The following AKT1S1 variants were observed in gnomAD, a reference collection of about 807,000 sequenced individuals.
AKT1S1 encodes the protein proline-rich AKT1 substrate 1.
Under a neutral mutation model 21.2 loss-of-function variants are expected in AKT1S1, and 17 were observed. That is an observed-to-expected ratio of 0.80 (90% CI 0.55 to 1.20). The LOEUF (loss-of-function observed/expected upper bound fraction) is 1.20, where lower values mean the gene tolerates loss of function less well. Among genes scored for constraint, AKT1S1 ranks in the 50% most tolerant of loss-of-function variants. The probability of loss-of-function intolerance (pLI) is 0.00; values close to 1 mark genes in which losing one functional copy is unlikely to be tolerated. For synonymous variants in AKT1S1, 181 were observed against 165.6 expected (o/e 1.09, Z -0.72); for missense variants, 366 against 368.3 (o/e 0.99, Z 0.05).
upstream of AKT1S1, chr19:49,878,250 G>T: frequency 6.4e-7 from 1 of 1,554,716 alleles, no homozygotes; most frequent in Non-Finnish European, 8.7e-7. Context: ...AGGTGCGCTG[G>T]GAGGGAGCAG....
intron 4 of AKT1S1, among the ~76,000 whole-genome samples, chr19:49,871,333 G>C (rs1348750785): frequency 6.6e-6 from 1 of 152,230 alleles, no homozygotes; most frequent in East Asian, 1.9e-4. Context: ...CTCCTGGAAA[G>C]GAGAGGCCTT....
At chr19:49,871,404 C>A (rs766743100) in intron 4 of AKT1S1, 143 bp downstream of exon 4, 27 of 1,145,298 alleles carry the variant, frequency 2.4e-5, no homozygotes, top group Non-Finnish European at 3.3e-5. Flanking sequence ...AGGCTCGTGT[C>A]CAAGAACTCG....
In AKT1S1 at chr19:49,873,089, G is replaced by A. The variant is rs1487445313; in HGVS notation, c.207C>T (p.His69=). Residue 69 remains histidine (H), a synonymous_variant, in exon 2 of 5, where the codon CAC becomes CAT. Coordinates refer to ENST00000344175, the MANE Select transcript of AKT1S1 (RefSeq NM_001098633.4). The surrounding 1 kb of genome is among the most constrained non-coding windows in gnomAD (Gnocchi z 6.9). ...GAGGCCGAGCAGCAGTGGCAGCCCT[G>A]TGGGCCAGTGCGATGTCGTGGAGGC... The part of the protein sequence containing the change: ...RRCLHDIALA[H]RAATAARPPA... The A allele has an allele frequency of 1.3e-6, 2 of 1,550,188 alleles. No homozygotes were observed. Among genetic ancestry groups the A allele is most frequent in the Admixed American group, 1.9e-5 (1 of 51,602 alleles).
chr19:49,875,776 G>C (rs1041527808), intron 1 of AKT1S1: 1 of 905,448 alleles, frequency 1.1e-6, no homozygotes, highest in Admixed American at 6.2e-5. Flanking sequence ...TGAGCAAAAA[G>C]GACAGGGCGA....
intron 4 of AKT1S1, 39 bp from the exon 5 acceptor site, chr19:49,870,099 G>A: frequency 2.7e-6 from 4 of 1,476,862 alleles, no homozygotes; most frequent in Non-Finnish European, 3.6e-6. Flanking sequence ...GCGCCGGCAG[G>A]GCAATCCCCC....
upstream of AKT1S1, chr19:49,877,706 G>A: frequency 6.2e-7 from 1 of 1,600,476 alleles, no homozygotes; most frequent in Non-Finnish European, 8.5e-7. Flanking sequence ...CGGGGCAGTG[G>A]GGCCTTCGGC....
Position 49,871,844 on chromosome 19 carries a change from G to A in AKT1S1, c.425C>T (p.Pro142Leu). ...ACTCTCGGGGTCTGACTCACAGAAGGGGGGAAGGTCCTGGAGGGTGGCGTC... is the reference window on the plus strand; with the variant it reads ...ACTCTCGGGGTCTGACTCACAGAAGAGGGGAAGGTCCTGGAGGGTGGCGTC... ...DEDATLQDLPPFCESDPESTD... is the reference protein window; with the variant it reads ...DEDATLQDLPLFCESDPESTD... Residue 142 changes from proline to leucine, a missense_variant, in exon 3 of 5, where the codon CCC becomes CTC. Transcript: ENST00000344175. 5 of 1,611,630 alleles carry A rather than the reference G, an allele frequency of 3.1e-6. No homozygotes were observed. The highest frequency in any genetic ancestry group is 4.2e-6 in the Non-Finnish European group (5 of 1,179,320).
chr19:49,872,041 T>G, intron 2 of AKT1S1, 152 bp from the exon 3 acceptor site: 1 of 854,648 alleles, frequency 1.2e-6, no homozygotes, highest in Non-Finnish European at 1.8e-6. Context: ...AACAACTTCC[T>G]CTAGCAGCCT....
Position 49,869,938 on chromosome 19 carries a change from C to T in AKT1S1, c.750G>A (p.Gln250=). The part of the protein sequence containing the change: ...PRPRLNTSDF[Q]KLKRKY ...GACTTCAATATTTCCGCTTCAGCTT[C>T]TGGAAGTCGCTGGTGTTAAGCCGCG... Residue 250 remains glutamine (Q), a synonymous_variant, in exon 5 of 5, where the codon CAG becomes CAA. Coordinates refer to ENST00000344175, the MANE Select transcript of AKT1S1 (RefSeq NM_001098633.4). 1.3e-6 allele frequency: 2 copies of T among 1,526,872 alleles called. No individual in the cohort carries two copies. Among genetic ancestry groups the T allele is most frequent in the South Asian group, 1.2e-5 (1 of 82,596 alleles). 94.6% of individuals were successfully genotyped at this position (1,526,872 alleles called of 1,614,324 possible). A position where few individuals can be genotyped will look rare whatever the true frequency, so the allele number is the denominator to read the frequency against.
upstream of AKT1S1, chr19:49,878,163 A>T (rs759378385): frequency 1.9e-6 from 3 of 1,578,102 alleles, no homozygotes; most frequent in African/African-American, 4.1e-5. Flanking sequence ...AGAAGGGCGG[A>T]GTGTACCTGC....
In AKT1S1 at chr19:49,869,637, G is replaced by A. The variant is rs917907070; in HGVS notation, c.*280C>T. 3 of 366,000 alleles carry A rather than the reference G, an allele frequency of 8.2e-6. No homozygotes were observed. Among genetic ancestry groups the A allele is most frequent in the African/African-American group, 2.1e-5 (1 of 47,446 alleles). 22.7% of individuals were successfully genotyped at this position (366,000 alleles called of 1,614,324 possible). A position where few individuals can be genotyped will look rare whatever the true frequency, so the allele number is the denominator to read the frequency against. ...AAACAAAGGAGTTGACCCATTTAGA[G>A]CTTAGAACTCAGCGAGCCAATCCCT... On this transcript the variant is annotated 3_prime_UTR_variant, in exon 5 of 5. Transcript: ENST00000344175.
chr19:49,872,391 C>T (rs1399774140), intron 2 of AKT1S1, among the ~76,000 whole-genome samples: 1 of 152,208 alleles, frequency 6.6e-6, no homozygotes, highest in Non-Finnish European at 1.5e-5. Flanking sequence ...CTCCTAGTGA[C>T]TGATCAAACT....
chr19:49,876,143 G>C (rs1018865611), intron 1 of AKT1S1: 3 of 994,908 alleles, frequency 3.0e-6, no homozygotes, highest in Middle Eastern at 5.0e-4. Flanking sequence ...GCATGAACGC[G>C]GTAGCCATGG....
rs1310477818 is a variant in AKT1S1 at position 49,871,881 on chromosome 19, C to T, written c.388G>A (p.Val130Met). 8.1e-6 allele frequency: 13 copies of T among 1,613,288 alleles called. No individual in the cohort carries two copies. The African/African-American group carries it at 1.1e-4, about 13-fold the overall frequency. ...LGISDNGGLF[V>M]MDEDATLQDL... Reference sequence around the variant, plus strand: ...TGGAGGGTGGCGTCCTCATCCATCACAAAGAGCCCTGTGGATGACCTGAGT... The same window carrying T: ...TGGAGGGTGGCGTCCTCATCCATCATAAAGAGCCCTGTGGATGACCTGAGT... The change falls in exon 3 of 5, where the codon GTG (valine) becomes ATG (methionine). Residue 130 changes from valine (V) to methionine (M), a missense_variant. Val to Met is a conservative substitution (Grantham distance 21, BLOSUM62 1). Transcript: ENST00000344175.
In AKT1S1 at chr19:49,873,271, G is replaced by A; in HGVS notation, c.25C>T (p.Leu9=). Residue 9 remains leucine (L), a synonymous_variant, in exon 2 of 5, where the codon CTG becomes TTG. Coordinates refer to ENST00000344175, the MANE Select transcript of AKT1S1 (RefSeq NM_001098633.4). The surrounding 1 kb of genome is among the most constrained non-coding windows in gnomAD (Gnocchi z 6.9). MASGRPEE[L]WEAVVGAAER... ...GCGGCCCCCACCACGGCCTCCCACA[G>A]CTCCTCGGGGCGCCCCGACGCCATC... The A allele has an allele frequency of 1.3e-6, 2 of 1,521,412 alleles. No homozygotes were observed. The highest frequency in any genetic ancestry group is 1.7e-6 in the Non-Finnish European group (2 of 1,144,400). The allele number at this position is 1,521,412 out of a possible 1,614,324, so 94.2% of individuals were successfully genotyped here.
Position 49,873,253 on chromosome 19 carries a change from C to T in AKT1S1, c.43G>A (p.Gly15Arg). ...CGGGCCCGGAAGCGCTCAGCGGCCC[C>T]CACCACGGCCTCCCACAGCTCCTCG... is the stretch of plus-strand genomic sequence containing the variant. ...RPEELWEAVV[G>R]AAERFRARTG... is the part of the protein sequence containing the mutation. The change falls in exon 2 of 5, where the codon GGG (glycine) becomes AGG (arginine). Residue 15 changes from glycine to arginine, a missense_variant. Transcript: ENST00000344175. The surrounding 1 kb of genome is among the most constrained non-coding windows in gnomAD (Gnocchi z 6.9). The T allele has an allele frequency of 6.5e-7, 1 of 1,534,962 alleles. No individual in the cohort carries two copies. Among genetic ancestry groups the T allele is most frequent in the Non-Finnish European group, 8.7e-7 (1 of 1,151,178 alleles).
chr19:49,869,566 G>C lies in AKT1S1; in HGVS notation c.*351C>G, dbSNP rs1183082963. On this transcript the variant is annotated 3_prime_UTR_variant, in exon 5 of 5. Transcript: ENST00000344175. ...AAAAAAGAGCTGTCCAGCGACTAGG[G>C]GATGGAGCCAATGCCGTGCGAGCAA... 9.7e-6 allele frequency: 2 copies of C among 205,256 alleles called. No homozygotes were observed. Among genetic ancestry groups the C allele is most frequent in the East Asian group, 1.1e-4 (1 of 9,358 alleles). 12.7% of individuals were successfully genotyped at this position (205,256 alleles called of 1,614,324 possible).
chr19:49,874,421 G>T (rs558341423), intron 1 of AKT1S1: 1 of 152,378 alleles, frequency 6.6e-6, no homozygotes, highest in South Asian at 2.1e-4. Flanking sequence ...TGATCCCCCA[G>T]GGTGCATCAG....
Position 49,873,535 on chromosome 19 carries a change from A to G in AKT1S1, c.-7-233T>C, listed in dbSNP as rs1047736632. The G allele has an allele frequency of 1.4e-6, 1 of 726,478 alleles. No individual in the cohort carries two copies. 45.0% of individuals were successfully genotyped at this position (726,478 alleles called of 1,614,324 possible). A position where few individuals can be genotyped will look rare whatever the true frequency, so the allele number is the denominator to read the frequency against. On this transcript the variant is annotated intron_variant, in intron 1 of 4. Coordinates refer to ENST00000344175, the MANE Select transcript of AKT1S1 (RefSeq NM_001098633.4). The surrounding 1 kb of genome is among the most constrained non-coding windows in gnomAD (Gnocchi z 6.9). ...GCCCCAACCCATTCCTCCTGCCCCA[A>G]GTCACTGTACTCCTTCCCCTTTGGC...
Sources: gnomAD v4.1 joint callset for allele counts (sites outside exome capture counted in the v4.1 genomes callset) on GRCh38, gnomAD v4.1.1 for gene constraint, Gnocchi (gnomAD v3.1) non-coding constraint, MANE v1.5 for transcripts, NCBI Gene and HGNC (gene_info 2026-07-23, HGNC 2026-07-21) for gene names.